The following VPS53 variants were observed in gnomAD, a reference collection of about 807,000 sequenced individuals.
The protein encoded by VPS53 is VPS53 subunit of GARP complex, also known as vacuolar protein sorting-associated protein 53 homolog.
VPS53 carries 70 observed loss-of-function variants against 107.0 expected under a neutral mutation model. The ratio of observed to expected loss-of-function variants is 0.65; its 90% CI spans 0.54 to 0.80. The LOEUF (loss-of-function observed/expected upper bound fraction) is 0.80, where lower values mean the gene tolerates loss of function less well. Among genes scored for constraint, VPS53 ranks in the 30% least tolerant of loss-of-function variants. The pLI, the probability that VPS53 is intolerant of heterozygous loss-of-function variation, is 0.00. For synonymous variants in VPS53, 409 were observed against 393.3 expected, an observed-to-expected ratio of 1.04 and a Z score of -0.47; for missense variants, 917 against 1,049.4, an observed-to-expected ratio of 0.87 and a Z score of 1.74.
chr17:548,532 T>A (rs12946017), intron 17 of VPS53, among the ~76,000 whole-genome samples: 81 of 70,566 alleles, frequency 1.1e-3, no homozygotes, highest in South Asian at 4.4e-3. Context: ...CCTTCTGGAA[T>A]CATCCAACGA....
intron 6 of VPS53, among the ~76,000 whole-genome samples, 171 bp from the exon 7 acceptor site, chr17:653,581 G>A (rs1207637683): frequency 1.3e-5 from 2 of 152,114 alleles, no homozygotes; most frequent in Non-Finnish European, 2.9e-5. Context: ...AACAGGATCT[G>A]GTCCAAATCC....
At position 629,974 on chromosome 17, in the gene VPS53, T is replaced by C. The variant is rs950876640; in HGVS notation, c.687+1576A>G. Among the ~76,000 whole-genome samples, 10 of 151,842 alleles carry C rather than the reference T, an allele frequency of 6.6e-5. 1 individual carries two copies. Among genetic ancestry groups the C allele is most frequent in the Admixed American group, 4.6e-4 (7 of 15,242 alleles). On this transcript the variant is annotated intron_variant, in intron 8 of 21. Transcript: ENST00000437048. Reference sequence around the variant, plus strand: ...TTCTAAACAATAAAGATGGGCTTCATCCACATCTTCCTGAAACTTCTAGAA... The same window carrying C: ...TTCTAAACAATAAAGATGGGCTTCACCCACATCTTCCTGAAACTTCTAGAA...
chr17:643,724 G>A (rs1046206878), intron 7 of VPS53, among the ~76,000 whole-genome samples: 2 of 151,804 alleles, frequency 1.3e-5, no homozygotes, highest in African/African-American at 4.8e-5. Flanking sequence ...CTCATACTTG[G>A]AAAGTGAGGA....
chr17:714,616 C>G lies in VPS53; in HGVS notation c.87+7G>C. 1 of 1,610,008 alleles carries G rather than the reference C, an allele frequency of 6.2e-7. No individual in the cohort carries two copies. Among genetic ancestry groups the G allele is most frequent in the South Asian group, 1.1e-5 (1 of 90,916 alleles). On this transcript the variant is annotated splice_region_variant and intron_variant, in intron 1 of 21. Coordinates refer to ENST00000437048, the MANE Select transcript of VPS53 (RefSeq NM_001128159.3). Reference sequence around the variant, plus strand: ...CCGTTTCCCCTCCTGAGGGGCGGAACGCTTACCTGCTCGATGGCCAGCTGC... The same window carrying G: ...CCGTTTCCCCTCCTGAGGGGCGGAAGGCTTACCTGCTCGATGGCCAGCTGC...
In VPS53 at chr17:692,575, T is replaced by C. The variant is rs113092602; in HGVS notation, c.285+4843A>G. Among the ~76,000 whole-genome samples, 1,510 of 152,342 alleles carry C rather than the reference T, an allele frequency of 9.9e-3. 25 individuals carry two copies. Among genetic ancestry groups the C allele is most frequent in the African/African-American group, 0.034 (1,412 of 41,570 alleles). Reference sequence around the variant, plus strand: ...AGAAATGACCTAATTATGCCTTCAATATTTAAATCATTCCTTACCCCCAAA... The same window carrying C: ...AGAAATGACCTAATTATGCCTTCAACATTTAAATCATTCCTTACCCCCAAA... On this transcript the variant is annotated intron_variant, in intron 4 of 21. Coordinates refer to ENST00000437048, the MANE Select transcript of VPS53 (RefSeq NM_001128159.3).
chr17:622,081 G>T (rs1037495738), intron 11 of VPS53, among the ~76,000 whole-genome samples: 22 of 152,084 alleles, frequency 1.4e-4, no homozygotes. Context: ...GCTTAGTGGT[G>T]TGCACCTGTA....
rs552431198 is a variant in VPS53 at position 638,368 on chromosome 17, C to T, written c.609-6740G>A. ...CACCGATGGGTCTTGACTCTTGAGC[C>T]AATTTGCCAGTCTGTGTCTTTTAAT... On this transcript the variant is annotated intron_variant, in intron 7 of 21. Coordinates refer to ENST00000437048, the MANE Select transcript of VPS53 (RefSeq NM_001128159.3). Among the ~76,000 whole-genome samples, 4 of 152,274 alleles carry T rather than the reference C, an allele frequency of 2.6e-5. No individual in the cohort carries two copies. The South Asian group carries it at 8.3e-4, about 32-fold the overall frequency.
chr17:598,067 C>T (rs1321639027), intron 12 of VPS53, among the ~76,000 whole-genome samples: 1 of 151,994 alleles, frequency 6.6e-6, no homozygotes, highest in Non-Finnish European at 1.5e-5. Context: ...ACTGCAACCT[C>T]CCTGCCTGAT....
rs9905044 is a variant in VPS53, at chr17:552,211, C to A, written c.1788-261G>T. Among the ~76,000 whole-genome samples the A allele has an allele frequency of 0.58, 86,413 of 149,670 alleles. 25,379 individuals are homozygous for A. The highest frequency in any genetic ancestry group is 0.75 in the East Asian group (3,813 of 5,056). On this transcript the variant is annotated intron_variant, in intron 16 of 21. Transcript: ENST00000437048. ...AGTATCCCTGTTCACATCTTCCTCCCAAAGAACCTGCTTCCCAAAAATGTT... is the reference window on the plus strand; with the variant it reads ...AGTATCCCTGTTCACATCTTCCTCCAAAAGAACCTGCTTCCCAAAAATGTT...
At chr17:592,535 T>C (rs1967718921) in intron 12 of VPS53, among the ~76,000 whole-genome samples, 1 of 152,210 alleles carries the variant, frequency 6.6e-6, no homozygotes, top group Non-Finnish European at 1.5e-5. Context: ...GTACCGGTTG[T>C]TCCTTTCCAT....
At chr17:630,253 T>C (rs1036402499) in intron 8 of VPS53, among the ~76,000 whole-genome samples, 6 of 151,612 alleles carry the variant, frequency 4.0e-5, no homozygotes, top group African/African-American at 7.3e-5. Context: ...GATCACACCA[T>C]TGCACTCTAG....
rs532304144 is a variant in VPS53 at position 600,221 on chromosome 17, A to G, written c.1218+1574T>C. On this transcript the variant is annotated intron_variant, in intron 12 of 21. Transcript: ENST00000437048. ...CATCCAGAGATGACTAGCGAAAAGAATAACTTTTCCTGGCAACACTGCAAG... is the reference window on the plus strand; with the variant it reads ...CATCCAGAGATGACTAGCGAAAAGAGTAACTTTTCCTGGCAACACTGCAAG... 13 of 152,358 alleles carry G rather than the reference A, an allele frequency of 8.5e-5. No individual in the cohort carries two copies. In the East Asian group the frequency reaches 1.2e-3, roughly 14 times the overall value. The allele number at this position is 152,358 out of a possible 1,614,324, so 9.4% of individuals were successfully genotyped here. A position where few individuals can be genotyped will look rare whatever the true frequency, so the allele number is the denominator to read the frequency against.
intron 12 of VPS53, among the ~76,000 whole-genome samples, chr17:601,569 G>A (rs1011010346): frequency 6.6e-6 from 1 of 152,250 alleles, no homozygotes; most frequent in East Asian, 1.9e-4. Flanking sequence ...AAGCTTGTGT[G>A]TGTCCTGGAG....
At chr17:570,902 T>C (rs1176110881) in intron 13 of VPS53, among the ~76,000 whole-genome samples, 1 of 152,194 alleles carries the variant, frequency 6.6e-6, no homozygotes, top group African/African-American at 2.4e-5. Context: ...GTATCAACGT[T>C]AATTTCCTGA....
intron 13 of VPS53, among the ~76,000 whole-genome samples, chr17:583,028 G>C (rs982453971): frequency 2.2e-5 from 3 of 134,542 alleles, no homozygotes; most frequent in Non-Finnish European, 4.8e-5. Context: ...CAGAACCTCA[G>C]TGCATTAGCA....
intron 13 of VPS53, among the ~76,000 whole-genome samples, chr17:578,411 C>T (rs552366179): frequency 1.8e-4 from 28 of 151,598 alleles, no homozygotes; most frequent in South Asian, 4.2e-4. Context: ...TCCAGAGAAG[C>T]TCCCTCAGAA....
chr17:627,463 C>T (rs1969762589), intron 9 of VPS53, 147 bp from the exon 10 acceptor site: 1 of 1,159,546 alleles, frequency 8.6e-7, no homozygotes, highest in Non-Finnish European at 1.2e-6. Context: ...ACCTTTTTAA[C>T]TTGATTTTTT....
rs1448832641 is a variant in VPS53, at chr17:603,732, TGA to T, written c.1117-1838_1117-1837del. Among the ~76,000 whole-genome samples the T allele has an allele frequency of 2.0e-5, 3 of 152,166 alleles. No individual in the cohort carries two copies. In the East Asian group the frequency reaches 5.8e-4, roughly 29 times the overall value. On this transcript the variant is annotated intron_variant, in intron 11 of 21. Transcript: ENST00000437048. ...CAAACTTTGGCTTCTTTACCTAACA[TGA>T]GAGAAAAAAAATCCTTAAAAATGTA...
intron 11 of VPS53, among the ~76,000 whole-genome samples, chr17:620,763 C>A (rs762396144): frequency 6.6e-6 from 1 of 151,336 alleles, no homozygotes; most frequent in African/African-American, 2.4e-5. Flanking sequence ...CCCACCACCA[C>A]GCCTGACTAA....
Sources: allele counts gnomAD v4.1 joint callset (sites outside exome capture counted in the v4.1 genomes callset), GRCh38; gene constraint gnomAD v4.1.1; transcripts MANE v1.5; gene names NCBI Gene and HGNC (gene_info 2026-07-23, HGNC 2026-07-21).